Variants in EPHA6 observed in about 807,000 individuals in gnomAD.
EPHA6 encodes EPH receptor A6.
EPHA6 carries 50 observed loss-of-function variants against 112.0 expected under a neutral mutation model. That is an observed-to-expected ratio of 0.45 (90% confidence interval 0.36 to 0.56). The LOEUF (loss-of-function observed/expected upper bound fraction) is 0.56, where lower values mean the gene tolerates loss of function less well. Among genes scored for constraint, EPHA6 ranks in the 20% least tolerant of loss-of-function variants. EPHA6 has a pLI of 0.00. For synonymous variants in EPHA6, 529 were observed against 490.7 expected, an observed-to-expected ratio of 1.08 and a Z score of -1.03; for missense variants, 1,280 against 1,417.4, an observed-to-expected ratio of 0.90 and a Z score of 1.56.
At chr3:97,084,943 G>T (rs927655852) in intron 3 of EPHA6, among the ~76,000 whole-genome samples, 4 of 151,936 alleles carry the variant, frequency 2.6e-5, no homozygotes, top group Non-Finnish European at 5.9e-5. Flanking sequence ...ATTTTGAAAA[G>T]GTCTTAGAAT....
At chr3:97,213,761 G>T (rs879810688) in intron 3 of EPHA6, among the ~76,000 whole-genome samples, 1 of 152,116 alleles carries the variant, frequency 6.6e-6, no homozygotes, top group Non-Finnish European at 1.5e-5. Flanking sequence ...TTACAGTTAA[G>T]CGGGAGAAAG....
intron 2 of EPHA6, among the ~76,000 whole-genome samples, chr3:96,969,761 A>G (rs933121820): frequency 1.3e-5 from 2 of 152,028 alleles, no homozygotes; most frequent in Non-Finnish European, 2.9e-5. Flanking sequence ...TAAATTTTCT[A>G]TTAAAAATCT....
intron 3 of EPHA6, among the ~76,000 whole-genome samples, chr3:97,090,609 A>G (rs2047034083): frequency 6.6e-6 from 1 of 152,134 alleles, no homozygotes; most frequent in Admixed American, 6.6e-5. Flanking sequence ...ATCTGAATTT[A>G]ATTTGCTTAC....
At chr3:97,653,253 CA>C (rs1292350815) in intron 14 of EPHA6, among the ~76,000 whole-genome samples, 8 of 151,746 alleles carry the variant, frequency 5.3e-5, no homozygotes, top group African/African-American at 1.9e-4. Flanking sequence ...ACTTGCAAAC[CA>C]TAGTTTTCTG....
intron 5 of EPHA6, among the ~76,000 whole-genome samples, chr3:97,343,705 C>A (rs2083415532): frequency 6.6e-6 from 1 of 152,146 alleles, no homozygotes; most frequent in South Asian, 2.1e-4. Context: ...TGAAGGAAAA[C>A]TGTAAATGTA....
intron 3 of EPHA6, among the ~76,000 whole-genome samples, chr3:97,096,256 C>T (rs1559725580): frequency 6.8e-6 from 1 of 146,208 alleles, no homozygotes; most frequent in Non-Finnish European, 1.5e-5. Flanking sequence ...CACACACACA[C>T]ATACACACAC....
chr3:97,231,754 G>A (rs1420723934), intron 4 of EPHA6, among the ~76,000 whole-genome samples: 1 of 152,184 alleles, frequency 6.6e-6, no homozygotes, highest in African/African-American at 2.4e-5. Flanking sequence ...TTATTATGCA[G>A]ATAAAGTATC....
intron 12 of EPHA6, among the ~76,000 whole-genome samples, chr3:97,598,563 A>G (rs970857508): frequency 1.3e-4 from 19 of 150,830 alleles, no homozygotes; most frequent in Non-Finnish European, 2.5e-4. Flanking sequence ...ATGATTTCCA[A>G]TTTCATCCAT....
intron 5 of EPHA6, among the ~76,000 whole-genome samples, chr3:97,283,605 G>C (rs1043595555): frequency 6.6e-6 from 1 of 151,930 alleles, no homozygotes; most frequent in Non-Finnish European, 1.5e-5. Flanking sequence ...GAGCCTTTCA[G>C]GGGGGTGAGG....
chr3:97,751,156 C>T lies in EPHA6; in HGVS notation c.*2455C>T, dbSNP rs530731263. Among the ~76,000 whole-genome samples the T allele has an allele frequency of 8.2e-4, 124 of 152,108 alleles. 1 individual carries two copies. Among genetic ancestry groups the T allele is most frequent in the South Asian group, 3.5e-3 (17 of 4,810 alleles). On this transcript the variant is annotated 3_prime_UTR_variant, in exon 18 of 18. Transcript: ENST00000389672. ...AATATGGTCTTCCACAGGACTCTGTCGGCACCATCTGTGTACCTTGAAATA... is the reference window on the plus strand; with the variant it reads ...AATATGGTCTTCCACAGGACTCTGTTGGCACCATCTGTGTACCTTGAAATA...
At chr3:97,617,295 A>G (rs2093774927) in intron 13 of EPHA6, among the ~76,000 whole-genome samples, 1 of 152,176 alleles carries the variant, frequency 6.6e-6, no homozygotes, top group Non-Finnish European at 1.5e-5. Flanking sequence ...GCAGAAAGGA[A>G]AAACTATTAC....
At chr3:97,473,308 ATAACT>A (rs1449500469) in intron 7 of EPHA6, among the ~76,000 whole-genome samples, 2 of 151,700 alleles carry the variant, frequency 1.3e-5, no homozygotes, top group African/African-American at 4.8e-5. Context: ...TCAAAGGGTC[ATAACT>A]TAAGATTGTT....
intron 3 of EPHA6, among the ~76,000 whole-genome samples, chr3:97,031,140 T>C (rs538281314): frequency 6.6e-6 from 1 of 152,070 alleles, no homozygotes; most frequent in Admixed American, 6.6e-5. Flanking sequence ...GAAATAATGC[T>C]GCATATCTAC....
intron 3 of EPHA6, among the ~76,000 whole-genome samples, chr3:97,038,922 C>A (rs1216060453): frequency 3.9e-5 from 6 of 152,064 alleles, no homozygotes; most frequent in East Asian, 1.9e-4. Flanking sequence ...CAGGAACTCT[C>A]TTCTTCAAAT....
chr3:97,427,248 C>T (rs2089196546), intron 6 of EPHA6, among the ~76,000 whole-genome samples: 1 of 152,100 alleles, frequency 6.6e-6, no homozygotes, highest in South Asian at 2.1e-4. Context: ...TGCTTATGTT[C>T]ACTGCAGAAC....
intron 7 of EPHA6, among the ~76,000 whole-genome samples, chr3:97,474,341 CA>C (rs199793201): frequency 0.015 from 2,305 of 151,836 alleles, 53 homozygotes; most frequent in African/African-American, 0.051. Context: ...AAATAAAAAA[CA>C]AGTTTAATTT....
At chr3:97,548,310 G>A (rs1312866929) in intron 11 of EPHA6, among the ~76,000 whole-genome samples, 1 of 152,140 alleles carries the variant, frequency 6.6e-6, no homozygotes, top group African/African-American at 2.4e-5. Flanking sequence ...TGTATCAGGG[G>A]GCACATGATG....
chr3:97,649,578 G>GA (rs1361481550), intron 14 of EPHA6, among the ~76,000 whole-genome samples: 1 of 151,922 alleles, frequency 6.6e-6, no homozygotes, highest in Non-Finnish European at 1.5e-5. Flanking sequence ...AGAAAAGTGA[G>GA]AAAAATAGCA....
Position 97,497,760 on chromosome 3 carries a change from G to A in EPHA6, c.2200+13701G>A, listed in dbSNP as rs141823161. On this transcript the variant is annotated intron_variant, in intron 10 of 17. Transcript: ENST00000389672. ...GGATCATAATTCTTCTTATGCATGTGCGGGGTTAATTGCTGTGATGGAATG... is the reference window on the plus strand; with the variant it reads ...GGATCATAATTCTTCTTATGCATGTACGGGGTTAATTGCTGTGATGGAATG... Among the ~76,000 whole-genome samples the A allele has an allele frequency of 3.1e-3, 470 of 152,116 alleles. 3 individuals carry two copies. Among genetic ancestry groups the A allele is most frequent in the African/African-American group, 0.011 (443 of 41,506 alleles).
Sources: gnomAD v4.1 joint callset for allele counts (sites outside exome capture counted in the v4.1 genomes callset) on GRCh38, gnomAD v4.1.1 for gene constraint, MANE v1.5 for transcripts, NCBI Gene and HGNC (gene_info 2026-07-23, HGNC 2026-07-21) for gene names.